WNT7B: variants seen among roughly 807,000 people sequenced by gnomAD.
The protein encoded by WNT7B is Wnt family member 7B.
In WNT7B, 19 loss-of-function variants were observed where a neutral mutation model predicts 38.2. The ratio of observed to expected loss-of-function variants is 0.50; its 90% CI spans 0.35 to 0.73. The LOEUF (loss-of-function observed/expected upper bound fraction) is 0.73. Among genes scored for constraint, WNT7B ranks in the 30% least tolerant of loss-of-function variants. The probability of loss-of-function intolerance (pLI) is 0.01; values close to 1 mark genes in which losing one functional copy is unlikely to be tolerated. For synonymous variants in WNT7B, 243 were observed against 209.3 expected, an observed-to-expected ratio of 1.16 and a Z score of -1.39; for missense variants, 423 against 507.9, an observed-to-expected ratio of 0.83 and a Z score of 1.61.
chr22:45,974,388 C>G (rs1932511051), intron 1 of WNT7B, among the ~76,000 whole-genome samples: 1 of 152,202 alleles, frequency 6.6e-6, no homozygotes, highest in Admixed American at 6.5e-5. Flanking sequence ...CCAGCTTCCC[C>G]CTTCTACCGC....
chr22:45,945,088 A>AT (rs56708785), intron 2 of WNT7B, among the ~76,000 whole-genome samples: 5,843 of 148,466 alleles, frequency 0.039, 365 homozygotes, highest in African/African-American at 0.13. Context: ...GGTGAACTTA[A>AT]TTTTTTTTTT....
chr22:45,958,154 C>G (rs557044419), intron 1 of WNT7B, among the ~76,000 whole-genome samples: 2 of 152,352 alleles, frequency 1.3e-5, no homozygotes, highest in African/African-American at 4.8e-5. Flanking sequence ...GAGCAGGGCC[C>G]GTCAGCAGTG....
chr22:45,959,258 G>A (rs996708630), intron 1 of WNT7B, among the ~76,000 whole-genome samples: 5 of 152,308 alleles, frequency 3.3e-5, no homozygotes, highest in South Asian at 2.1e-4. Flanking sequence ...GGGCAGCAGC[G>A]CGGCCGTGGG....
chr22:45,954,402 G>A (rs1932013282), intron 1 of WNT7B, among the ~76,000 whole-genome samples: 1 of 152,142 alleles, frequency 6.6e-6, no homozygotes, highest in Admixed American at 6.5e-5. Context: ...TAGTCAAAGT[G>A]GTAAATTTTA....
In WNT7B at chr22:45,926,043, TG is replaced by T. The variant is rs566779516; in HGVS notation, c.571-2709del. 26 of 985,348 alleles carry T rather than the reference TG, an allele frequency of 2.6e-5. No individual in the cohort carries two copies. In the East Asian group the frequency reaches 2.8e-3, roughly 108 times the overall value. 61.0% of individuals were successfully genotyped at this position (985,348 alleles called of 1,614,324 possible). ...ACCCAGCTGCATGCTACTGCCCGCC[TG>T]GGGATAATCGGCTCCCGCAGGGCCA... is the stretch of plus-strand genomic sequence containing the variant. On this transcript the variant is annotated intron_variant, in intron 3 of 3. Transcript: ENST00000339464.
chr22:45,976,785 G>A lies in WNT7B; in HGVS notation c.-31C>T. On this transcript the variant is annotated 5_prime_UTR_variant, in exon 1 of 4. Coordinates refer to ENST00000339464, the MANE Select transcript of WNT7B (RefSeq NM_058238.3). This position sits in a 1 kb window ranked among gnomAD's most constrained non-coding sequence, Gnocchi z 8.5. ...AGGGAGGGGGGCTGCGCCATAGACA[G>A]CGGCGGCCGGAGGGGACGCGCGGGC... is the stretch of plus-strand genomic sequence containing the variant. 3.8e-6 allele frequency: 6 copies of A among 1,584,728 alleles called. No homozygotes were observed. Among genetic ancestry groups the A allele is most frequent in the Non-Finnish European group, 5.2e-6 (6 of 1,162,740 alleles).
chr22:45,923,415 C>G, intron 3 of WNT7B, 80 bp from the exon 4 acceptor site: 1 of 1,510,714 alleles, frequency 6.6e-7, no homozygotes. Flanking sequence ...TGCCTCTAGC[C>G]CAGCCCTGGA....
At chr22:45,941,642 G>T (rs940753707) in intron 2 of WNT7B, among the ~76,000 whole-genome samples, 1 of 152,178 alleles carries the variant, frequency 6.6e-6, no homozygotes, top group African/African-American at 2.4e-5. Flanking sequence ...GGCCACGGGT[G>T]GCTTAAGGTG....
chr22:45,931,193 C>T lies in WNT7B; in HGVS notation c.475G>A (p.Gly159Ser). The T allele has an allele frequency of 5.0e-6, 8 of 1,599,556 alleles. No individual in the cohort carries two copies. Among genetic ancestry groups the T allele is most frequent in the African/African-American group, 1.3e-5 (1 of 75,038 alleles). ...ACGAAGCGCCGGGAGAAGTCGATGC[C>T]GTAACGCACGTCGGCCGAGCAGCCG... The part of the protein sequence containing the change: ...WGGCSADVRY[G>S]IDFSRRFVDA... Residue 159 changes from glycine to serine, a missense_variant, in exon 3 of 4, where the codon GGC becomes AGC. Around this residue, in one of 3 missense-constraint regions of WNT7B, gnomAD observed 132 missense variants for 113.4 expected, o/e 1.16. Coordinates refer to ENST00000339464, the MANE Select transcript of WNT7B (RefSeq NM_058238.3).
intron 2 of WNT7B, among the ~76,000 whole-genome samples, chr22:45,931,787 C>G (rs1053112013): frequency 6.6e-6 from 1 of 152,176 alleles, no homozygotes; most frequent in African/African-American, 2.4e-5. Flanking sequence ...TCCCCTCTGC[C>G]AGCCTCCCAG....
intron 2 of WNT7B, among the ~76,000 whole-genome samples, chr22:45,947,303 A>G (rs1261055210): frequency 6.6e-6 from 1 of 152,220 alleles, no homozygotes; most frequent in East Asian, 1.9e-4. Context: ...TTGGAGGAAG[A>G]GCTTCTGTTT....
chr22:45,959,249 G>A (rs1016749183), intron 1 of WNT7B, among the ~76,000 whole-genome samples: 1 of 152,200 alleles, frequency 6.6e-6, no homozygotes, highest in Non-Finnish European at 1.5e-5. Flanking sequence ...ACAGGGGGTG[G>A]GCAGCAGCGC....
chr22:45,925,963 C>T (rs924206397), intron 3 of WNT7B: 6 of 984,940 alleles, frequency 6.1e-6, no homozygotes, highest in Non-Finnish European at 7.2e-6. Context: ...GCCCTGTATC[C>T]CTCCCCCTCC....
chr22:45,926,970 A>T, intron 3 of WNT7B: 1 of 985,446 alleles, frequency 1.0e-6, no homozygotes, highest in Non-Finnish European at 1.2e-6. Context: ...TGGCCAGCTA[A>T]GGGGGTTCCC....
At chr22:45,947,172 G>T (rs1022680085) in intron 2 of WNT7B, among the ~76,000 whole-genome samples, 1 of 152,222 alleles carries the variant, frequency 6.6e-6, no homozygotes, top group Non-Finnish European at 1.5e-5. Flanking sequence ...AGTCAGATAC[G>T]CCCGAAGCTC....
In WNT7B at chr22:45,931,305, A is replaced by T. The variant is rs1569112505; in HGVS notation, c.363T>A (p.Ala121=). 1 of 1,597,712 alleles carries T rather than the reference A, an allele frequency of 6.3e-7. No individual in the cohort carries two copies. Among genetic ancestry groups the T allele is most frequent in the Non-Finnish European group, 8.5e-7 (1 of 1,179,260 alleles). Residue 121 remains alanine (A), a synonymous_variant, in exon 3 of 4, where the codon GCT becomes GCA. Coordinates refer to ENST00000339464, the MANE Select transcript of WNT7B (RefSeq NM_058238.3). ...TGCTCAGGTTCCCTTGGCTGCAGGC[A>T]GCGGTGACGGCGTGCGCCACGCCAG... The part of the protein sequence containing the change: ...TAAGVAHAVT[A]ACSQGNLSNC...
chr22:45,955,899 C>T (rs1334200832), intron 1 of WNT7B, among the ~76,000 whole-genome samples: 1 of 152,192 alleles, frequency 6.6e-6, no homozygotes. Flanking sequence ...GAGGTGCATC[C>T]TGGCGCAGGC....
At position 45,922,168 on chromosome 22, in the gene WNT7B, C is replaced by T. The variant is rs2146700346; in HGVS notation, c.*688G>A. The T allele has an allele frequency of 6.6e-6, 1 of 152,570 alleles. No homozygotes were observed. The allele number at this position is 152,570 out of a possible 1,614,324, so 9.5% of individuals were successfully genotyped here. On this transcript the variant is annotated 3_prime_UTR_variant, in exon 4 of 4. Coordinates refer to ENST00000339464, the MANE Select transcript of WNT7B (RefSeq NM_058238.3). ...TGGTCTGAAGAGCCCCTGCCCAGCT[C>T]ACTTCTAGGACCTGCAGGCACCGCG... is the stretch of plus-strand genomic sequence containing the variant.
chr22:45,967,807 T>C (rs1480617964), intron 1 of WNT7B, among the ~76,000 whole-genome samples: 1 of 152,124 alleles, frequency 6.6e-6, no homozygotes, highest in Non-Finnish European at 1.5e-5. Flanking sequence ...AACAATAATG[T>C]GCCGTCGGCG....
Sources: allele counts gnomAD v4.1 joint callset (sites outside exome capture counted in the v4.1 genomes callset), GRCh38; gene constraint gnomAD v4.1.1; regional missense constraint gnomAD v4.1.1; non-coding constraint Gnocchi (gnomAD v3.1); transcripts MANE v1.5; gene names NCBI Gene and HGNC (gene_info 2026-07-23, HGNC 2026-07-21).